AGBL4: variants seen among roughly 807,000 people sequenced by gnomAD.
AGBL4 encodes the protein cytosolic carboxypeptidase 6.
In AGBL4, 58 loss-of-function variants were observed where a neutral mutation model predicts 66.4. The ratio of observed to expected loss-of-function variants is 0.87; its 90% CI spans 0.71 to 1.09. AGBL4 has a LOEUF of 1.09. AGBL4 is among the 50% of genes least tolerant of loss of function. The pLI, the probability that AGBL4 is intolerant of heterozygous loss-of-function variation, is 0.00. For synonymous variants in AGBL4, 234 were observed against 222.9 expected (o/e 1.05, Z -0.44); for missense variants, 579 against 631.0 (o/e 0.92, Z 0.88).
intron 3 of AGBL4, among the ~76,000 whole-genome samples, chr1:49,592,254 C>G (rs1644765205): frequency 6.6e-6 from 1 of 152,008 alleles, no homozygotes; most frequent in Admixed American, 6.6e-5. Flanking sequence ...AAAAAACAAA[C>G]AACTCTATTA....
intron 5 of AGBL4, among the ~76,000 whole-genome samples, chr1:48,965,457 T>C (rs1020835797): frequency 1.3e-5 from 2 of 152,138 alleles, no homozygotes; most frequent in Non-Finnish European, 2.9e-5. Context: ...TGAATAACGG[T>C]GATTTGTCTG....
At chr1:49,817,236 CAG>C (rs1645254196) in intron 2 of AGBL4, among the ~76,000 whole-genome samples, 1 of 152,046 alleles carries the variant, frequency 6.6e-6, no homozygotes, top group African/African-American at 2.4e-5. Context: ...AAGCTTGAAA[CAG>C]AAACTAAAAA....
At chr1:49,956,316 A>G (rs1181263977) in intron 1 of AGBL4, among the ~76,000 whole-genome samples, 1 of 151,894 alleles carries the variant, frequency 6.6e-6, no homozygotes, top group Non-Finnish European at 1.5e-5. Context: ...TTCTGGGCCC[A>G]AAATAATTTG....
At chr1:48,715,960 C>T (rs957339081) in intron 6 of AGBL4, among the ~76,000 whole-genome samples, 9 of 152,100 alleles carry the variant, frequency 5.9e-5, no homozygotes, top group South Asian at 2.1e-4. Flanking sequence ...AGCTACATCC[C>T]TTGAGGAACT....
At chr1:49,609,313 T>C (rs1645113351) in intron 3 of AGBL4, among the ~76,000 whole-genome samples, 1 of 151,828 alleles carries the variant, frequency 6.6e-6, no homozygotes, top group African/African-American at 2.4e-5. Flanking sequence ...AAGTATTTGA[T>C]GAGAAGGAAT....
intron 5 of AGBL4, among the ~76,000 whole-genome samples, chr1:48,992,263 TGTCTTGGTG>T (rs1442758438): frequency 6.6e-6 from 1 of 152,152 alleles, no homozygotes; most frequent in African/African-American, 2.4e-5. Flanking sequence ...GTAGATGTAC[TGTCTTGGTG>T]GTCTTGGAAA....
chr1:49,945,645 C>T (rs1410537573), intron 1 of AGBL4, among the ~76,000 whole-genome samples: 1 of 151,886 alleles, frequency 6.6e-6, no homozygotes, highest in Non-Finnish European at 1.5e-5. Flanking sequence ...ACTTATAAAA[C>T]AAAAATATAA....
At chr1:48,808,010 AT>A (rs1346410661) in intron 6 of AGBL4, among the ~76,000 whole-genome samples, 1 of 152,152 alleles carries the variant, frequency 6.6e-6, no homozygotes, top group Non-Finnish European at 1.5e-5. Context: ...AAATTCATTC[AT>A]TAATATATTC....
At chr1:49,905,599 T>C (rs1650195003) in intron 1 of AGBL4, among the ~76,000 whole-genome samples, 1 of 152,198 alleles carries the variant, frequency 6.6e-6, no homozygotes, top group African/African-American at 2.4e-5. Flanking sequence ...GAAAGGATTA[T>C]GAACCATTCC....
intron 3 of AGBL4, among the ~76,000 whole-genome samples, chr1:49,308,791 G>T (rs1446048503): frequency 6.6e-6 from 1 of 152,124 alleles, no homozygotes; most frequent in African/African-American, 2.4e-5. Context: ...GATGCAAGAG[G>T]CTGACGTTTA....
At chr1:49,140,893 T>C (rs1280511011) in intron 4 of AGBL4, among the ~76,000 whole-genome samples, 2 of 152,222 alleles carry the variant, frequency 1.3e-5, no homozygotes, top group African/African-American at 4.8e-5. Flanking sequence ...AATGGGATTG[T>C]GATGAAGGGA....
intron 3 of AGBL4, among the ~76,000 whole-genome samples, chr1:49,364,018 T>C (rs1290925406): frequency 1.3e-5 from 2 of 152,194 alleles, no homozygotes; most frequent in African/African-American, 4.8e-5. Flanking sequence ...ATGCCTCAGA[T>C]TGAATTCTCA....
intron 1 of AGBL4, among the ~76,000 whole-genome samples, chr1:50,018,565 G>A (rs1393043012): frequency 6.6e-6 from 1 of 151,966 alleles, no homozygotes; most frequent in Non-Finnish European, 1.5e-5. Context: ...GTTCTTAAAT[G>A]ACTCAAAGAG....
At chr1:48,794,182 CTG>C (rs1486400028) in intron 6 of AGBL4, among the ~76,000 whole-genome samples, 1 of 152,202 alleles carries the variant, frequency 6.6e-6, no homozygotes, top group East Asian at 1.9e-4. Flanking sequence ...AACCCAGAGA[CTG>C]TACCCACAGG....
intron 6 of AGBL4, among the ~76,000 whole-genome samples, chr1:48,858,469 A>G (rs560557751): frequency 1.3e-5 from 2 of 152,364 alleles, no homozygotes; most frequent in South Asian, 4.1e-4. Flanking sequence ...ATTGTGGTGT[A>G]TCTAATGTAA....
chr1:49,980,240 T>A (rs1358659083), intron 1 of AGBL4, among the ~76,000 whole-genome samples: 1 of 152,156 alleles, frequency 6.6e-6, no homozygotes, highest in Non-Finnish European at 1.5e-5. Context: ...AAATTTTTTA[T>A]CTTTAATTTT....
At chr1:49,813,292 T>C (rs1645148731) in intron 2 of AGBL4, among the ~76,000 whole-genome samples, 1 of 152,066 alleles carries the variant, frequency 6.6e-6, no homozygotes, top group African/African-American at 2.4e-5. Flanking sequence ...CATTAAAAAT[T>C]GTATTAATAT....
chr1:49,678,196 A>T (rs1646618536), intron 3 of AGBL4, among the ~76,000 whole-genome samples: 1 of 152,094 alleles, frequency 6.6e-6, no homozygotes, highest in South Asian at 2.1e-4. Flanking sequence ...TAGTGTTTGT[A>T]CTTCTCAAGG....
intron 3 of AGBL4, among the ~76,000 whole-genome samples, chr1:49,356,134 A>T (rs1258128304): frequency 1.3e-5 from 2 of 152,204 alleles, no homozygotes; most frequent in Non-Finnish European, 2.9e-5. Context: ...AACTATGAAG[A>T]TCCTTCCAAA....
Sources: gnomAD v4.1 joint callset for allele counts (sites outside exome capture counted in the v4.1 genomes callset) on GRCh38, gnomAD v4.1.1 for gene constraint, MANE v1.5 for transcripts, NCBI Gene and HGNC (gene_info 2026-07-23, HGNC 2026-07-21) for gene names.